Variants in LPGAT1 observed in about 807,000 individuals in gnomAD.
LPGAT1 encodes lysophosphatidylglycerol acyltransferase 1, also known as acyl-CoA:lysophosphatidylglycerol acyltransferase 1.
A neutral mutation model predicts 47.5 loss-of-function variants in LPGAT1; 11 were observed. That is an observed-to-expected ratio of 0.23 (90% CI 0.15 to 0.38). LPGAT1 has a LOEUF of 0.38. Ranked by LOEUF, LPGAT1 falls within the 10% of genes least tolerant of loss-of-function variation. LPGAT1 has a pLI of 1.00. For synonymous variants in LPGAT1, 138 were observed against 144.2 expected (o/e 0.96, Z 0.31); for missense variants, 293 against 439.0 (o/e 0.67, Z 2.97).
intron 6 of LPGAT1, among the ~76,000 whole-genome samples, chr1:211,764,919 T>G (rs1295873538): frequency 6.6e-6 from 1 of 152,182 alleles, no homozygotes; most frequent in Non-Finnish European, 1.5e-5. Flanking sequence ...GCCCTCCTCT[T>G]GAGCCTTGTT....
rs1329631494 is a variant in LPGAT1 at position 211,830,648 on chromosome 1, G to A, written c.-103C>T. 2.5e-6 allele frequency: 3 copies of A among 1,202,122 alleles called. No individual in the cohort carries two copies. Among genetic ancestry groups the A allele is most frequent in the Non-Finnish European group, 3.1e-6 (3 of 968,710 alleles). 74.5% of individuals were successfully genotyped at this position (1,202,122 alleles called of 1,614,324 possible). ...AGAATGCATGGCCGGCGGCGGGGCC[G>A]GCGGAAGAAGGCGGTGGCGGGGCCC... On this transcript the variant is annotated 5_prime_UTR_variant, in exon 1 of 8. Transcript: ENST00000366997. This position sits in a 1 kb window ranked among gnomAD's most constrained non-coding sequence, Gnocchi z 5.9.
chr1:211,764,874 G>A (rs1657844202), intron 6 of LPGAT1, among the ~76,000 whole-genome samples: 2 of 152,122 alleles, frequency 1.3e-5, no homozygotes, highest in African/African-American at 4.8e-5. Flanking sequence ...TAGCACCTAG[G>A]CCACTGCTTC....
chr1:211,772,323 A>G (rs1261235380), intron 6 of LPGAT1, among the ~76,000 whole-genome samples: 3 of 152,162 alleles, frequency 2.0e-5, no homozygotes, highest in African/African-American at 7.2e-5. Flanking sequence ...TTTTAATTAC[A>G]TTAGTGTAAC....
chr1:211,799,746 G>A (rs994015904), intron 2 of LPGAT1, among the ~76,000 whole-genome samples: 1 of 152,048 alleles, frequency 6.6e-6, no homozygotes, highest in African/African-American at 2.4e-5. Context: ...TAATAACCAG[G>A]TCTAAAGGGG....
intron 2 of LPGAT1, among the ~76,000 whole-genome samples, chr1:211,821,270 C>T (rs1339745889): frequency 6.6e-6 from 1 of 152,018 alleles, no homozygotes; most frequent in Non-Finnish European, 1.5e-5. Flanking sequence ...AAACAAAAAA[C>T]GTATAAAGCA....
intron 3 of LPGAT1, among the ~76,000 whole-genome samples, chr1:211,792,711 C>CG (rs1659174929): frequency 1.9e-5 from 2 of 104,602 alleles, no homozygotes; most frequent in Non-Finnish European, 3.6e-5. Context: ...AATTGATTCC[C>CG]TTTTTTTTTT....
In LPGAT1 at chr1:211,790,171, G is replaced by A. The variant is rs552589265; in HGVS notation, c.358-2444C>T. 7.2e-5 allele frequency among the ~76,000 whole-genome samples: 11 copies of A among 152,236 alleles called. No homozygotes were observed. The East Asian group carries it at 1.9e-3, about 27-fold the overall frequency. On this transcript the variant is annotated intron_variant, in intron 3 of 7. Coordinates refer to ENST00000366997, the MANE Select transcript of LPGAT1 (RefSeq NM_014873.3). Reference sequence around the variant, plus strand: ...CAATGGTTTTCCATTGGGTGAGTATGGAAACTGCAGGATAATTTTGGTCCT... The same window carrying A: ...CAATGGTTTTCCATTGGGTGAGTATAGAAACTGCAGGATAATTTTGGTCCT...
rs184109176 is a variant in LPGAT1, at chr1:211,825,770, C to T, written c.238+3289G>A. ...GGTCAGGAGTTTGAGACCAGCCTGG[C>T]CAACATAGTGAAACCCCCATCTCTA... is the stretch of plus-strand genomic sequence containing the variant. On this transcript the variant is annotated intron_variant, in intron 2 of 7. Transcript: ENST00000366997. 6.7e-3 allele frequency among the ~76,000 whole-genome samples: 1,014 copies of T among 152,260 alleles called. 12 individuals are homozygous for T. Among genetic ancestry groups the T allele is most frequent in the African/African-American group, 0.023 (961 of 41,554 alleles).
At chr1:211,805,695 C>T (rs1659730614) in intron 2 of LPGAT1, among the ~76,000 whole-genome samples, 1 of 152,186 alleles carries the variant, frequency 6.6e-6, no homozygotes, top group Non-Finnish European at 1.5e-5. Flanking sequence ...GATGGTTTCA[C>T]TGGCATACTC....
chr1:211,752,414 C>T (rs1037212590), intron 6 of LPGAT1, among the ~76,000 whole-genome samples: 15 of 152,256 alleles, frequency 9.9e-5, no homozygotes, highest in African/African-American at 1.9e-4. Context: ...ATCTGAGTCA[C>T]GAAGCATGTA....
At chr1:211,817,190 G>A (rs756992905) in intron 2 of LPGAT1, among the ~76,000 whole-genome samples, 47 of 152,280 alleles carry the variant, frequency 3.1e-4, no homozygotes, top group Middle Eastern at 3.4e-3. Context: ...CATATTAGGG[G>A]GAAACGTATA....
chr1:211,814,270 T>A (rs1178238771), intron 2 of LPGAT1, among the ~76,000 whole-genome samples: 4 of 152,176 alleles, frequency 2.6e-5, no homozygotes, highest in Non-Finnish European at 5.9e-5. Flanking sequence ...GAACCACAAC[T>A]ACAGAGTTGA....
At chr1:211,788,105 A>G (rs1293192268) in intron 3 of LPGAT1, among the ~76,000 whole-genome samples, 1 of 152,244 alleles carries the variant, frequency 6.6e-6, no homozygotes, top group Non-Finnish European at 1.5e-5. Flanking sequence ...ATCAAACAAG[A>G]CTATATATTT....
chr1:211,800,897 AG>A (rs1233549986), intron 2 of LPGAT1, among the ~76,000 whole-genome samples: 5 of 152,238 alleles, frequency 3.3e-5, no homozygotes, highest in African/African-American at 1.2e-4. Flanking sequence ...CTAAGCTCCC[AG>A]GATATGGCAG....
At chr1:211,829,910 G>T (rs1243372121) in intron 1 of LPGAT1, 1 of 984,718 alleles carries the variant, frequency 1.0e-6, no homozygotes, top group Non-Finnish European at 1.2e-6. Flanking sequence ...TAGAAAAAAA[G>T]CTTACAAGGT....
chr1:211,782,000 A>G (rs1658660400), intron 5 of LPGAT1, among the ~76,000 whole-genome samples: 1 of 152,244 alleles, frequency 6.6e-6, no homozygotes, highest in African/African-American at 2.4e-5. Flanking sequence ...AAAATAATAC[A>G]TAATGTTACA....
chr1:211,754,941 G>C (rs1657374516), intron 6 of LPGAT1, among the ~76,000 whole-genome samples: 1 of 151,532 alleles, frequency 6.6e-6, no homozygotes, highest in South Asian at 2.1e-4. Flanking sequence ...TTGAACCCAG[G>C]AGGTGGAGGT....
Position 211,830,482 on chromosome 1 carries a change from G to A in LPGAT1, c.-28+91C>T. The A allele has an allele frequency of 8.4e-7, 1 of 1,185,558 alleles. No individual in the cohort carries two copies. The highest frequency in any genetic ancestry group is 1.0e-6 in the Non-Finnish European group (1 of 956,332). The allele number at this position is 1,185,558 out of a possible 1,614,324, so 73.4% of individuals were successfully genotyped here. A position where few individuals can be genotyped will look rare whatever the true frequency, so the allele number is the denominator to read the frequency against. ...CCGCTGCCGCCTCCCCGGGCCACGC[G>A]ACGACGACACCCCCTTCCCCGCCCC... On this transcript the variant is annotated intron_variant, in intron 1 of 7. Transcript: ENST00000366997. The surrounding 1 kb of genome is among the most constrained non-coding windows in gnomAD (Gnocchi z 5.9).
Position 211,757,723 on chromosome 1 carries a change from A to G in LPGAT1, c.855-6656T>C, listed in dbSNP as rs942566025. ...AATATTGATGTAATCAGAGGAACAG[A>G]GACAAGGAGATAAAATTTCAAATGA... On this transcript the variant is annotated intron_variant, in intron 6 of 7. Coordinates refer to ENST00000366997, the MANE Select transcript of LPGAT1 (RefSeq NM_014873.3). 2.1e-4 allele frequency among the ~76,000 whole-genome samples: 32 copies of G among 152,360 alleles called. 1 individual carries two copies. The highest frequency in any genetic ancestry group is 7.2e-4 in the African/African-American group (30 of 41,592).
Sources: gnomAD v4.1 joint callset for allele counts (sites outside exome capture counted in the v4.1 genomes callset) on GRCh38, gnomAD v4.1.1 for gene constraint, Gnocchi (gnomAD v3.1) non-coding constraint, MANE v1.5 for transcripts, NCBI Gene and HGNC (gene_info 2026-07-23, HGNC 2026-07-21) for gene names.